Variants in STPG2 observed in about 807,000 individuals in gnomAD.
STPG2 encodes the protein sperm-tail PG-rich repeat-containing protein 2.
A neutral mutation model predicts 54.2 loss-of-function variants in STPG2; 56 were observed. The ratio of observed to expected loss-of-function variants is 1.03; its 90% confidence interval spans 0.83 to 1.29. The LOEUF is 1.29. Ranked by LOEUF, STPG2 falls within the 50% of genes most tolerant of loss-of-function variation. The probability of loss-of-function intolerance (pLI) is 0.00; values close to 1 mark genes in which losing one functional copy is unlikely to be tolerated. For synonymous variants in STPG2, 200 were observed against 181.8 expected, an observed-to-expected ratio of 1.10 and a Z score of -0.81; for missense variants, 596 against 544.9, an observed-to-expected ratio of 1.09 and a Z score of -0.93.
intron 7 of STPG2, among the ~76,000 whole-genome samples, chr4:97,969,079 C>G (rs1009376317): frequency 1.3e-5 from 2 of 152,172 alleles, no homozygotes; most frequent in Non-Finnish European, 1.5e-5. Flanking sequence ...CTCATCTTGC[C>G]ACGGCTCTTC....
intron 5 of STPG2, among the ~76,000 whole-genome samples, chr4:98,000,646 T>C (rs893940369): frequency 3.3e-5 from 5 of 152,192 alleles, no homozygotes; most frequent in Admixed American, 6.5e-5. Flanking sequence ...TGGTTCCTTT[T>C]AAACTGATTA....
chr4:97,547,212 C>CTT (rs776615674), intron 4 of STPG2, among the ~76,000 whole-genome samples: 8 of 141,542 alleles, frequency 5.7e-5, no homozygotes, highest in East Asian at 2.0e-4. Context: ...AGACGAGAAA[C>CTT]TTTTTTTTTT....
intron 10 of STPG2, among the ~76,000 whole-genome samples, chr4:97,647,053 T>G (rs1032270314): frequency 6.6e-6 from 1 of 152,142 alleles, no homozygotes; most frequent in African/African-American, 2.4e-5. Flanking sequence ...CTAGTCCAAG[T>G]CTGAGTTCCT....
chr4:97,599,262 G>T (rs1442710577), intron 10 of STPG2, among the ~76,000 whole-genome samples: 1 of 152,178 alleles, frequency 6.6e-6, no homozygotes, highest in Non-Finnish European at 1.5e-5. Context: ...TGGCAAGGTT[G>T]CAGAGAAAAG....
At chr4:97,526,492 C>T (rs1010084789) in intron 4 of STPG2, among the ~76,000 whole-genome samples, 5 of 151,742 alleles carry the variant, frequency 3.3e-5, no homozygotes, top group Non-Finnish European at 7.4e-5. Flanking sequence ...GAGAAGTGTC[C>T]GTTTATATCC....
chr4:97,636,996 G>A (rs1177359163), intron 10 of STPG2, among the ~76,000 whole-genome samples: 4 of 152,166 alleles, frequency 2.6e-5, no homozygotes, highest in African/African-American at 4.8e-5. Flanking sequence ...ATTTTATGAG[G>A]CCAGCATCAT....
intron 5 of STPG2, among the ~76,000 whole-genome samples, chr4:98,003,475 A>G (rs1434029977): frequency 6.6e-6 from 1 of 152,058 alleles, no homozygotes; most frequent in African/African-American, 2.4e-5. Flanking sequence ...TATTTGTATT[A>G]GAGTTTGATT....
intron 4 of STPG2, among the ~76,000 whole-genome samples, chr4:97,462,454 A>G (rs1284760083): frequency 2.6e-5 from 4 of 152,054 alleles, no homozygotes; most frequent in Non-Finnish European, 5.9e-5. Flanking sequence ...ATCCGCTGAG[A>G]TTTTTAATTG....
intron 9 of STPG2, among the ~76,000 whole-genome samples, chr4:97,767,261 G>A (rs1381472823): frequency 6.6e-6 from 1 of 152,068 alleles, no homozygotes; most frequent in Non-Finnish European, 1.5e-5. Context: ...TGTTTAATCA[G>A]CTCCTTCATT....
At chr4:97,515,227 T>A (rs150479074) in intron 4 of STPG2, among the ~76,000 whole-genome samples, 82 of 152,226 alleles carry the variant, frequency 5.4e-4, no homozygotes, top group African/African-American at 1.9e-3. Context: ...TAAGGTTGCA[T>A]TATAATAAGT....
intron 10 of STPG2, among the ~76,000 whole-genome samples, chr4:97,599,927 G>A (rs369540971): frequency 1.3e-5 from 2 of 152,208 alleles, no homozygotes; most frequent in East Asian, 3.9e-4. Flanking sequence ...AGGAGATCAC[G>A]TTCTTTGCTG....
At chr4:98,104,149 C>T (rs1739124817) in intron 5 of STPG2, among the ~76,000 whole-genome samples, 1 of 152,088 alleles carries the variant, frequency 6.6e-6, no homozygotes, top group Non-Finnish European at 1.5e-5. Context: ...CAATCAGTGT[C>T]AGCATTTAGT....
chr4:97,613,390 G>C (rs1050873674), intron 10 of STPG2, among the ~76,000 whole-genome samples: 1 of 151,722 alleles, frequency 6.6e-6, no homozygotes, highest in African/African-American at 2.4e-5. Flanking sequence ...ATAATAAAAA[G>C]GTGAAATGCC....
intron 4 of STPG2, among the ~76,000 whole-genome samples, chr4:97,455,545 C>A (rs112402755): frequency 6.6e-6 from 1 of 152,094 alleles, no homozygotes; most frequent in Admixed American, 6.5e-5. Context: ...GGCTGCTGAG[C>A]GGCCTGACTC....
At chr4:97,840,628 C>T (rs1487549516) in intron 9 of STPG2, 145 bp downstream of exon 9, 3 of 814,624 alleles carry the variant, frequency 3.7e-6, no homozygotes, top group African/African-American at 1.7e-5. Context: ...TATTTTGTTA[C>T]AGCACTGATG....
At chr4:98,085,449 A>T (rs776301694) in intron 5 of STPG2, among the ~76,000 whole-genome samples, 3 of 152,076 alleles carry the variant, frequency 2.0e-5, no homozygotes, top group Non-Finnish European at 4.4e-5. Flanking sequence ...GGTTGATACT[A>T]TTACATTGAA....
At chr4:98,012,143 G>GGT (rs1735776214) in intron 5 of STPG2, among the ~76,000 whole-genome samples, 2 of 138,552 alleles carry the variant, frequency 1.4e-5, no homozygotes, top group African/African-American at 5.4e-5. Flanking sequence ...ATGCATAAGG[G>GGT]GTCCAGTTTC....
intron 10 of STPG2, among the ~76,000 whole-genome samples, chr4:97,677,722 C>T (rs183054492): frequency 2.0e-3 from 309 of 152,270 alleles, no homozygotes; most frequent in Non-Finnish European, 3.2e-3. Context: ...CATCTTGAAC[C>T]GGAAGGGTGA....
intron 4 of STPG2, among the ~76,000 whole-genome samples, chr4:97,551,005 G>C (rs779881187): frequency 1.4e-5 from 2 of 144,184 alleles, no homozygotes; most frequent in African/African-American, 5.9e-5. Context: ...CCTTCCACAC[G>C]TGGAAGGGGA....
Sources: gnomAD v4.1 joint callset for allele counts (sites outside exome capture counted in the v4.1 genomes callset) on GRCh38, gnomAD v4.1.1 for gene constraint, MANE v1.5 for transcripts, NCBI Gene and HGNC (gene_info 2026-07-23, HGNC 2026-07-21) for gene names.